Variants in DTNA observed in about 807,000 individuals in gnomAD.
DTNA encodes dystrophin-related protein 3.
A neutral mutation model predicts 100.7 loss-of-function variants in DTNA; 43 were observed. That is an observed-to-expected ratio of 0.43 (90% CI 0.33 to 0.55). The LOEUF is 0.55. Among genes scored for constraint, DTNA ranks in the 20% least tolerant of loss-of-function variants. The pLI, the probability that DTNA is intolerant of heterozygous loss-of-function variation, is 0.04. For synonymous variants in DTNA, 349 were observed against 347.9 expected, an observed-to-expected ratio of 1.00 and a Z score of -0.04; for missense variants, 798 against 953.9, an observed-to-expected ratio of 0.84 and a Z score of 2.15.
intron 17 of DTNA, among the ~76,000 whole-genome samples, chr18:34,869,512 C>G (rs1016044063): frequency 3.3e-5 from 5 of 152,200 alleles, no homozygotes; most frequent in Admixed American, 6.5e-5. Flanking sequence ...TTTCTGGTAA[C>G]ATTAGATATG....
chr18:34,880,617 T>A (rs2096863311), intron 20 of DTNA, among the ~76,000 whole-genome samples: 1 of 152,124 alleles, frequency 6.6e-6, no homozygotes, highest in African/African-American at 2.4e-5. Flanking sequence ...AAACTGGCCA[T>A]TTTAAAGACT....
At chr18:34,761,950 T>C (rs1189989535) in intron 2 of DTNA, among the ~76,000 whole-genome samples, 2 of 152,022 alleles carry the variant, frequency 1.3e-5, no homozygotes, top group Admixed American at 1.3e-4. Context: ...TGAAAAAAAA[T>C]GTAACGAGAA....
At chr18:34,607,742 C>T (rs1372428006) in intron 1 of DTNA, among the ~76,000 whole-genome samples, 3 of 152,138 alleles carry the variant, frequency 2.0e-5, no homozygotes, top group African/African-American at 7.2e-5. Flanking sequence ...TGACAGTCTT[C>T]CACAAACACT....
At chr18:34,617,840 G>A (rs1046069559) in intron 1 of DTNA, among the ~76,000 whole-genome samples, 1 of 152,140 alleles carries the variant, frequency 6.6e-6, no homozygotes, top group African/African-American at 2.4e-5. Flanking sequence ...ACTTTTGTGT[G>A]CACTGGGAAG....
At chr18:34,820,197 T>A (rs2095678550) in intron 8 of DTNA, among the ~76,000 whole-genome samples, 1 of 152,066 alleles carries the variant, frequency 6.6e-6, no homozygotes, top group African/African-American at 2.4e-5. Context: ...ACTGGATGTG[T>A]TCAGCCACAC....
intron 1 of DTNA, among the ~76,000 whole-genome samples, chr18:34,567,851 A>G (rs982266677): frequency 3.9e-5 from 6 of 152,178 alleles, no homozygotes; most frequent in Non-Finnish European, 5.9e-5. Flanking sequence ...TTCACCCGAG[A>G]GAAAATTTTG....
intron 3 of DTNA, among the ~76,000 whole-genome samples, chr18:34,784,888 C>T (rs1423354666): frequency 6.6e-6 from 1 of 151,854 alleles, no homozygotes; most frequent in African/African-American, 2.4e-5. Context: ...ATGTTACAGC[C>T]TGCATGTATG....
At chr18:34,763,336 G>C (rs2093298898) in intron 2 of DTNA, among the ~76,000 whole-genome samples, 1 of 152,020 alleles carries the variant, frequency 6.6e-6, no homozygotes, top group South Asian at 2.1e-4. Flanking sequence ...ATTTACAGAG[G>C]GCATGAAACT....
At chr18:34,847,540 G>A (rs2096401938) in intron 13 of DTNA, among the ~76,000 whole-genome samples, 1 of 152,154 alleles carries the variant, frequency 6.6e-6, no homozygotes, top group African/African-American at 2.4e-5. Context: ...CTTCTGTGAG[G>A]TTGCAATCAA....
chr18:34,703,008 C>T (rs2081588031), intron 1 of DTNA, among the ~76,000 whole-genome samples: 1 of 152,114 alleles, frequency 6.6e-6, no homozygotes, highest in Non-Finnish European at 1.5e-5. Flanking sequence ...AATTGGTCTG[C>T]AGTGTGTACT....
intron 1 of DTNA, among the ~76,000 whole-genome samples, chr18:34,751,154 A>G (rs1227489811): frequency 6.6e-6 from 1 of 152,198 alleles, no homozygotes; most frequent in Non-Finnish European, 1.5e-5. Context: ...ATTTCCTAAT[A>G]TGGGAGAGAA....
chr18:34,773,740 C>T (rs2093902825), intron 3 of DTNA, among the ~76,000 whole-genome samples: 1 of 152,210 alleles, frequency 6.6e-6, no homozygotes, highest in African/African-American at 2.4e-5. Context: ...CTGCTCCTCT[C>T]TGGCACCCTG....
Position 34,838,830 on chromosome 18 carries a change from C to G in DTNA, c.1339C>G (p.Pro447Ala). Reference protein sequence around the residue: ...GLYVNMLRNNPSCMLESSNRL... With the variant: ...GLYVNMLRNNASCMLESSNRL... The stretch of plus-strand genomic sequence containing the variant: ...GTATGTCAACATGCTCCGGAACAAC[C>G]CCTCATGGTTAGTGCAGGTTTGGCT... The change falls in exon 13 of 23, where the codon CCC becomes GCC. Residue 447 changes from proline to alanine, a missense_variant. Physicochemically the swap from Pro to Ala is conservative, Grantham distance 27 (BLOSUM62 -1). Around this residue, in one of 6 missense-constraint regions of DTNA, gnomAD observed 159 missense variants for 201.2 expected, o/e 0.79. Transcript: ENST00000444659. The G allele has an allele frequency of 6.2e-7, 1 of 1,613,532 alleles. No individual in the cohort carries two copies. Among genetic ancestry groups the G allele is most frequent in the Non-Finnish European group, 8.5e-7 (1 of 1,179,608 alleles).
chr18:34,555,427 GT>G (rs1474614225), intron 1 of DTNA, among the ~76,000 whole-genome samples: 1 of 151,554 alleles, frequency 6.6e-6, no homozygotes, highest in Admixed American at 6.6e-5. Flanking sequence ...GCTTTTGAAT[GT>G]GTTTGCTCTT....
chr18:34,794,344 T>TC (rs1254859930), intron 4 of DTNA, 94 bp downstream of exon 4: 1 of 1,364,310 alleles, frequency 7.3e-7, no homozygotes, highest in East Asian at 2.3e-5. Flanking sequence ...TATATCTCTC[T>TC]CTTTTTTTTT....
At position 34,836,390 on chromosome 18, in the gene DTNA, C is replaced by T. The variant is rs2096144447; in HGVS notation, c.1176-1704C>T. Among the ~76,000 whole-genome samples, 3 of 152,190 alleles carry T rather than the reference C, an allele frequency of 2.0e-5. No homozygotes were observed. In the South Asian group the frequency reaches 6.2e-4, roughly 31 times the overall value. On this transcript the variant is annotated intron_variant, in intron 11 of 22. Coordinates refer to ENST00000444659, the MANE Select transcript of DTNA (RefSeq NM_001386795.1). The stretch of plus-strand genomic sequence containing the variant: ...ATTTTGGGCCGAGCACGGTGGCTCA[C>T]ACCTGTAATTCCAGCACTTTGGGAG...
chr18:34,854,909 A>T (rs2096534768), intron 15 of DTNA, among the ~76,000 whole-genome samples: 1 of 152,246 alleles, frequency 6.6e-6, no homozygotes, highest in African/African-American at 2.4e-5. Context: ...CCTCAGAACA[A>T]CTATTTAAGG....
chr18:34,661,629 A>T (rs1354862168), intron 1 of DTNA, among the ~76,000 whole-genome samples: 1 of 152,150 alleles, frequency 6.6e-6, no homozygotes, highest in South Asian at 2.1e-4. Flanking sequence ...ATGAGTTTTC[A>T]ATAAACAGGA....
intron 15 of DTNA, among the ~76,000 whole-genome samples, chr18:34,853,880 T>A (rs1370226232): frequency 6.6e-6 from 1 of 152,178 alleles, no homozygotes; most frequent in Non-Finnish European, 1.5e-5. Context: ...GTGCAAGTAA[T>A]TGTGCCAAGT....
Sources: allele counts gnomAD v4.1 joint callset (sites outside exome capture counted in the v4.1 genomes callset), GRCh38; gene constraint gnomAD v4.1.1; regional missense constraint gnomAD v4.1.1; transcripts MANE v1.5; gene names NCBI Gene and HGNC (gene_info 2026-07-23, HGNC 2026-07-21).